IFT80: variants seen among roughly 807,000 people sequenced by gnomAD.
IFT80 encodes the protein intraflagellar transport protein 80 homolog.
Under a neutral mutation model 107.9 loss-of-function variants are expected in IFT80, and 79 were observed. The ratio of observed to expected loss-of-function variants is 0.73; its 90% confidence interval spans 0.61 to 0.88. The LOEUF is 0.88. IFT80 is among the 40% of genes least tolerant of loss of function. The probability of loss-of-function intolerance (pLI) is 0.00; values close to 1 mark genes in which losing one functional copy is unlikely to be tolerated. For synonymous variants in IFT80, 299 were observed against 300.9 expected (o/e 0.99, Z 0.07); for missense variants, 797 against 914.2 (o/e 0.87, Z 1.65).
chr3:160,266,763 G>A (rs1315320735), intron 19 of IFT80, among the ~76,000 whole-genome samples: 1 of 152,200 alleles, frequency 6.6e-6, no homozygotes, highest in Non-Finnish European at 1.5e-5. Flanking sequence ...AAAAAGCAGA[G>A]TAGTTTAATC....
intron 9 of IFT80, among the ~76,000 whole-genome samples, chr3:160,315,975 C>T (rs1288286302): frequency 6.6e-6 from 1 of 152,070 alleles, no homozygotes. Context: ...AAGGTGACTC[C>T]CAATGATCCC....
rs1167130021 is a variant in IFT80 at position 160,322,909 on chromosome 3, T to A, written c.778-2970A>T. Among the ~76,000 whole-genome samples, 6 of 152,050 alleles carry A rather than the reference T, an allele frequency of 3.9e-5. No individual in the cohort carries two copies. The South Asian group carries it at 1.2e-3, about 32-fold the overall frequency. On this transcript the variant is annotated intron_variant, in intron 8 of 19. Transcript: ENST00000326448. Reference sequence around the variant, plus strand: ...TTTGTTTTTTTCTTGTAAATTTGTTTGAGTTCATTGTAGATTCTGGATATT... The same window carrying A: ...TTTGTTTTTTTCTTGTAAATTTGTTAGAGTTCATTGTAGATTCTGGATATT...
chr3:160,367,098 A>C (rs1330931552), intron 5 of IFT80, among the ~76,000 whole-genome samples: 1 of 152,036 alleles, frequency 6.6e-6, no homozygotes, highest in Admixed American at 6.6e-5. Context: ...TGTTGTAGCA[A>C]ATTATTGAAT....
rs141990967 is a variant in IFT80 at position 160,266,228 on chromosome 3, A to T, written c.2223+2185T>A. 5.7e-4 allele frequency among the ~76,000 whole-genome samples: 86 copies of T among 152,174 alleles called. No homozygotes were observed. In the East Asian group the frequency reaches 0.012, roughly 21 times the overall value. ...CTGGTACTCTTATGATTAAAGTATT[A>T]TATTTTGGTAACAGTTGAATATATG... is the stretch of plus-strand genomic sequence containing the variant. On this transcript the variant is annotated intron_variant, in intron 19 of 19. Coordinates refer to ENST00000326448, the MANE Select transcript of IFT80 (RefSeq NM_020800.3).
intron 5 of IFT80, 149 bp from the exon 6 acceptor site, chr3:160,366,301 T>C (rs1268342369): frequency 1.1e-5 from 7 of 643,726 alleles, no homozygotes; most frequent in South Asian, 8.8e-5. Flanking sequence ...TTAGAGTATA[T>C]AGTCTGATGT....
At chr3:160,387,146 G>A (rs1712997146) in intron 1 of IFT80, among the ~76,000 whole-genome samples, 1 of 152,222 alleles carries the variant, frequency 6.6e-6, no homozygotes, top group Non-Finnish European at 1.5e-5. Flanking sequence ...GTAGCATGAA[G>A]TAGTCATATG....
chr3:160,394,798 G>A (rs780436570), intron 1 of IFT80, among the ~76,000 whole-genome samples: 15 of 152,044 alleles, frequency 9.9e-5, no homozygotes, highest in Admixed American at 5.9e-4. Flanking sequence ...ATTTGTACAT[G>A]TTGATATAGA....
chr3:160,298,516 G>C (rs1036948034), intron 12 of IFT80, among the ~76,000 whole-genome samples: 4 of 152,008 alleles, frequency 2.6e-5, no homozygotes, highest in African/African-American at 9.7e-5. Flanking sequence ...ATTCTTTCTA[G>C]CTTTAAAATT....
At chr3:160,276,820 G>A (rs1714303010) in intron 18 of IFT80, among the ~76,000 whole-genome samples, 1 of 152,084 alleles carries the variant, frequency 6.6e-6, no homozygotes, top group Admixed American at 6.6e-5. Flanking sequence ...TCATAATGTA[G>A]CGGATGTCTT....
chr3:160,298,033 C>T (rs1176702556), intron 12 of IFT80, among the ~76,000 whole-genome samples: 1 of 152,102 alleles, frequency 6.6e-6, no homozygotes, highest in Admixed American at 6.5e-5. Flanking sequence ...CATAGCATAT[C>T]TGTGCAAAGT....
chr3:160,345,949 T>A (rs922052684), intron 8 of IFT80, among the ~76,000 whole-genome samples: 5 of 152,144 alleles, frequency 3.3e-5, no homozygotes, highest in African/African-American at 1.2e-4. Context: ...GGATACCCCA[T>A]TTTCTGTGAT....
intron 5 of IFT80, among the ~76,000 whole-genome samples, chr3:160,369,014 TCTTAA>T (rs2108382687): frequency 6.6e-6 from 1 of 152,078 alleles, no homozygotes; most frequent in African/African-American, 2.4e-5. Flanking sequence ...TCTTTAGTCC[TCTTAA>T]CTTTAACATT....
intron 8 of IFT80, among the ~76,000 whole-genome samples, chr3:160,332,456 C>A (rs1266671011): frequency 6.6e-6 from 1 of 152,074 alleles, no homozygotes. Flanking sequence ...GAAGGGAGCA[C>A]AAGGATAAGC....
intron 8 of IFT80, among the ~76,000 whole-genome samples, chr3:160,332,036 C>G (rs1329270289): frequency 6.6e-6 from 1 of 152,144 alleles, no homozygotes; most frequent in Non-Finnish European, 1.5e-5. Flanking sequence ...TTGGCTTCTG[C>G]ATTCTCATGG....
intron 9 of IFT80, among the ~76,000 whole-genome samples, chr3:160,309,465 C>A (rs927737061): frequency 2.6e-5 from 4 of 152,124 alleles, no homozygotes; most frequent in Non-Finnish European, 5.9e-5. Flanking sequence ...CCAAGGCAGG[C>A]AGATAACAAG....
intron 12 of IFT80, among the ~76,000 whole-genome samples, chr3:160,290,719 G>A (rs1715490321): frequency 6.6e-6 from 1 of 151,834 alleles, no homozygotes; most frequent in South Asian, 2.1e-4. Flanking sequence ...TAGCTGGGAT[G>A]CCAGCTAATT....
intron 8 of IFT80, among the ~76,000 whole-genome samples, chr3:160,336,825 A>G (rs1719514641): frequency 6.6e-6 from 1 of 152,094 alleles, no homozygotes; most frequent in African/African-American, 2.4e-5. Context: ...AGTATTCAGG[A>G]AAGTTTCCAT....
At chr3:160,322,560 A>G (rs570185472) in intron 8 of IFT80, among the ~76,000 whole-genome samples, 5 of 152,264 alleles carry the variant, frequency 3.3e-5, no homozygotes, top group African/African-American at 1.2e-4. Flanking sequence ...CACTAATGGG[A>G]TGGCTGGGTC....
intron 7 of IFT80, 119 bp from the exon 8 acceptor site, chr3:160,356,269 T>C: frequency 2.4e-6 from 2 of 843,378 alleles, no homozygotes; most frequent in African/African-American, 1.7e-5. Flanking sequence ...AAAAACAAGT[T>C]TGTCTTCCAG....
Sources: gnomAD v4.1 joint callset for allele counts (sites outside exome capture counted in the v4.1 genomes callset) on GRCh38, gnomAD v4.1.1 for gene constraint, MANE v1.5 for transcripts, NCBI Gene and HGNC (gene_info 2026-07-23, HGNC 2026-07-21) for gene names.